The following NFRKB variants were observed in gnomAD, a reference collection of about 807,000 sequenced individuals.
The protein encoded by NFRKB is nuclear factor related to kappa-B-binding protein.
In NFRKB, 62 loss-of-function variants were observed where a neutral mutation model predicts 135.7. That is an observed-to-expected ratio of 0.46 (90% confidence interval 0.37 to 0.56). The LOEUF is 0.56. Among genes scored for constraint, NFRKB ranks in the 20% least tolerant of loss-of-function variants. The pLI is 0.00. For synonymous variants in NFRKB, 678 were observed against 635.6 expected, an observed-to-expected ratio of 1.07 and a Z score of -1.00; for missense variants, 1,545 against 1,662.0, an observed-to-expected ratio of 0.93 and a Z score of 1.22.
Position 129,878,363 on chromosome 11 carries a change from AAAAG to A in NFRKB, c.1465-12_1465-9del, listed in dbSNP as rs768177247. The A allele has an allele frequency of 6.2e-7, 1 of 1,614,224 alleles. No individual in the cohort carries two copies. Among genetic ancestry groups the A allele is most frequent in the South Asian group, 1.1e-5 (1 of 91,088 alleles). On this transcript the variant is annotated splice_polypyrimidine_tract_variant and intron_variant, in intron 14 of 26. Coordinates refer to ENST00000682444, the MANE Select transcript of NFRKB (RefSeq NM_001143835.2). Reference sequence around the variant, plus strand: ...GCTGTCTTCATTTTCTTGCTGGAGAAAAAGAAAACGTTGACAGGTAAATGGACTA... The same window carrying A: ...GCTGTCTTCATTTTCTTGCTGGAGAAAAAACGTTGACAGGTAAATGGACTA...
In NFRKB at chr11:129,892,820, A is replaced by G; in HGVS notation, c.30T>C (p.Asp10=). ...CTCCACACGGACCAAGTTCCAGAGGATCTGTCAGCATATGGTCTAAGGAAT... is the reference window on the plus strand; with the variant it reads ...CTCCACACGGACCAAGTTCCAGAGGGTCTGTCAGCATATGGTCTAAGGAAT... MDSLDHMLT[D]PLELGPCGDG... is the part of the protein sequence containing the mutation. The change falls in exon 3 of 27, where the codon GAT becomes GAC. Residue 10 remains aspartate (D), a synonymous_variant. Coordinates refer to ENST00000682444, the MANE Select transcript of NFRKB (RefSeq NM_001143835.2). 6.2e-7 allele frequency: 1 copy of G among 1,614,184 alleles called. No individual in the cohort carries two copies. Among genetic ancestry groups the G allele is most frequent in the Non-Finnish European group, 8.5e-7 (1 of 1,180,036 alleles).
Position 129,885,467 on chromosome 11 carries a change from C to T in NFRKB, c.608G>A (p.Cys203Tyr). 6.2e-7 allele frequency: 1 copy of T among 1,613,356 alleles called. No individual in the cohort carries two copies. The highest frequency in any genetic ancestry group is 8.5e-7 in the Non-Finnish European group (1 of 1,179,356). The change falls in exon 6 of 27, where the codon TGT (cysteine) becomes TAT (tyrosine). Residue 203 changes from cysteine (C) to tyrosine (Y), a missense_variant. Transcript: ENST00000682444. ...ATCAGATGACAGGGCTGTGTCACCA[C>T]ACTCCTCTTTCACTTCCCTTAAGAC... ...LKVLREVKEECGDTALSSDEE... is the reference protein window; with the variant it reads ...LKVLREVKEEYGDTALSSDEE...
chr11:129,888,794 G>A lies in NFRKB; in HGVS notation c.137C>T (p.Pro46Leu). 1 of 1,608,844 alleles carries A rather than the reference G, an allele frequency of 6.2e-7. No individual in the cohort carries two copies. The highest frequency in any genetic ancestry group is 8.5e-7 in the Non-Finnish European group (1 of 1,176,404). ...GCTGACAACATCAAAGAAGATCTCA[G>A]GCTAGGAGAAATAGGAAAAGTAAAC... is the stretch of plus-strand genomic sequence containing the variant. ...VSLPEDLLEDPEIFFDVVSLS... is the reference protein window; with the variant it reads ...VSLPEDLLEDLEIFFDVVSLS... The change falls in exon 4 of 27, where the codon CCT (proline) becomes CTT (leucine). Residue 46 changes from proline (P) to leucine (L), a missense_variant and splice_region_variant. By Grantham distance (98) the Pro-to-Leu change is moderately conservative (BLOSUM62 -3). This residue lies in a region of NFRKB where 678 missense variants were observed against 646.7 expected (regional missense o/e 1.05). Coordinates refer to ENST00000682444, the MANE Select transcript of NFRKB (RefSeq NM_001143835.2).
At chr11:129,870,478 C>T (rs1948450013) in intron 23 of NFRKB, among the ~76,000 whole-genome samples, 1 of 152,150 alleles carries the variant, frequency 6.6e-6, no homozygotes, top group Non-Finnish European at 1.5e-5. Flanking sequence ...TATCCCTCCC[C>T]ACTGTGGTGG....
intron 2 of NFRKB, among the ~76,000 whole-genome samples, chr11:129,893,723 A>G (rs1432780046): frequency 6.6e-6 from 1 of 152,200 alleles, no homozygotes; most frequent in Non-Finnish European, 1.5e-5. Flanking sequence ...TTTAATTCCT[A>G]CAACTGTGCA....
chr11:129,882,409 C>T (rs753217761), intron 10 of NFRKB, 42 bp downstream of exon 10: 11 of 1,601,666 alleles, frequency 6.9e-6, no homozygotes, highest in Middle Eastern at 3.7e-4. Flanking sequence ...TATGGCTTAC[C>T]CATTCACCCT....
Position 129,864,556 on chromosome 11 carries a change from T to C in NFRKB, c.*169A>G. On this transcript the variant is annotated 3_prime_UTR_variant, in exon 27 of 27. Coordinates refer to ENST00000682444, the MANE Select transcript of NFRKB (RefSeq NM_001143835.2). The stretch of plus-strand genomic sequence containing the variant: ...GAACCTTTCTCAGGGTGCTCCACTA[T>C]GGCACGTGGCAGCAGAATCCAGGCC... 1 of 820,592 alleles carries C rather than the reference T, an allele frequency of 1.2e-6. No homozygotes were observed. The highest frequency in any genetic ancestry group is 1.9e-6 in the Non-Finnish European group (1 of 527,526). 50.8% of individuals were successfully genotyped at this position (820,592 alleles called of 1,614,324 possible).
rs771517911 is a variant in NFRKB at position 129,872,870 on chromosome 11, A to G, written c.2763+14T>C. On this transcript the variant is annotated intron_variant, in intron 23 of 26. Coordinates refer to ENST00000682444, the MANE Select transcript of NFRKB (RefSeq NM_001143835.2). The stretch of plus-strand genomic sequence containing the variant: ...ATGAAGGATTGAGATCCACGTGGAA[A>G]GAGCCCCACCTACCTGCTTGATGAT... 5 of 1,578,794 alleles carry G rather than the reference A, an allele frequency of 3.2e-6. No homozygotes were observed. In the Admixed American group the frequency reaches 8.6e-5, roughly 27 times the overall value.
At position 129,881,727 on chromosome 11, in the gene NFRKB, C is replaced by T; in HGVS notation, c.1318G>A (p.Ala440Thr). 1.2e-6 allele frequency: 2 copies of T among 1,613,974 alleles called. No individual in the cohort carries two copies. Among genetic ancestry groups the T allele is most frequent in the South Asian group, 2.2e-5 (2 of 91,034 alleles). The change falls in exon 12 of 27, where the codon GCT (alanine) becomes ACT (threonine). Residue 440 changes from alanine to threonine, a missense_variant and splice_region_variant. This residue lies in a region of NFRKB where 678 missense variants were observed against 646.7 expected (regional missense o/e 1.05). Transcript: ENST00000682444. The stretch of plus-strand genomic sequence containing the variant: ...GACCCTACAAAAAAGAGCATCTTAC[C>T]TCGACTTTCTCCAGCAAGATACTGC... Reference protein sequence around the residue: ...ALQYLAGESRAVPSSFSPFVE... With the variant: ...ALQYLAGESRTVPSSFSPFVE...
chr11:129,885,296 TCCCGCTATGCAC>T (rs1036786593), intron 6 of NFRKB, 127 bp downstream of exon 6: 1 of 929,834 alleles, frequency 1.1e-6, no homozygotes, highest in Non-Finnish European at 1.6e-6. Context: ...GCCTTCTGAG[TCCCGCTATGCAC>T]CCCAGACCAG....
intron 4 of NFRKB, chr11:129,888,340 T>C (rs1949377377): frequency 1.6e-6 from 1 of 641,468 alleles, no homozygotes; most frequent in Non-Finnish European, 2.8e-6. Flanking sequence ...GTTTTATTTT[T>C]TTATGTAGAT....
intron 3 of NFRKB, 36 bp from the exon 4 acceptor site, chr11:129,888,831 A>G: frequency 1.3e-6 from 2 of 1,575,250 alleles, no homozygotes; most frequent in Non-Finnish European, 1.7e-6. Context: ...AAAGTAAAAT[A>G]AATTTTTGAG....
At chr11:129,870,395 C>T (rs1224098081) in intron 23 of NFRKB, 134 bp from the exon 24 acceptor site, 3 of 1,017,468 alleles carry the variant, frequency 2.9e-6, no homozygotes, top group Non-Finnish European at 4.2e-6. Context: ...CAAACATTCA[C>T]AGAAGTAGAG....
At chr11:129,872,791 C>G (rs1183608850) in intron 23 of NFRKB, 93 bp downstream of exon 23, 21 of 1,272,008 alleles carry the variant, frequency 1.7e-5, no homozygotes, top group Non-Finnish European at 2.1e-5. Flanking sequence ...ATCTTCTTCC[C>G]ATGGGCATGC....
chr11:129,877,211 A>T, intron 16 of NFRKB, 114 bp downstream of exon 16: 1 of 1,073,036 alleles, frequency 9.3e-7, no homozygotes, highest in Non-Finnish European at 1.4e-6. Flanking sequence ...CAGAAGGTCT[A>T]AGGGGAAAGG....
intron 4 of NFRKB, among the ~76,000 whole-genome samples, chr11:129,887,333 GCTT>G (rs1295369134): frequency 6.6e-6 from 1 of 152,162 alleles, no homozygotes; most frequent in African/African-American, 2.4e-5. Context: ...ATCCCACACT[GCTT>G]CTTAATGATA....
chr11:129,892,570 A>T (rs1949608149), intron 3 of NFRKB, 145 bp downstream of exon 3: 1 of 770,532 alleles, frequency 1.3e-6, no homozygotes, highest in African/African-American at 1.7e-5. Context: ...ACTTAAAAAA[A>T]AGATAAGAGA....
At chr11:129,877,124 G>A (rs1357724218) in intron 16 of NFRKB, among the ~76,000 whole-genome samples, 1 of 152,140 alleles carries the variant, frequency 6.6e-6, no homozygotes, top group Non-Finnish European at 1.5e-5. Flanking sequence ...TTTGCTACCT[G>A]GAAGACAAGA....
At position 129,888,624 on chromosome 11, in the gene NFRKB, G is replaced by A; in HGVS notation, c.307C>T (p.Pro103Ser). The A allele has an allele frequency of 4.3e-6, 7 of 1,614,142 alleles. No homozygotes were observed. Among genetic ancestry groups the A allele is most frequent in the Non-Finnish European group, 5.9e-6 (7 of 1,180,028 alleles). ...AAAAGCTTCTGGGCAATGTGCAGAG[G>A]GTTTCCAAAGCGGAAGTTCTCCCCA... is the stretch of plus-strand genomic sequence containing the variant. Reference protein sequence around the residue: ...FSGENFRFGNPLHIAQKLFRD... With the variant: ...FSGENFRFGNSLHIAQKLFRD... The change falls in exon 4 of 27, where the codon CCT becomes TCT. Residue 103 changes from proline to serine, a missense_variant. Physicochemically the swap from Pro to Ser is moderately conservative, Grantham distance 74 (BLOSUM62 -1). This residue lies in a region of NFRKB where 678 missense variants were observed against 646.7 expected (regional missense o/e 1.05). Transcript: ENST00000682444.
Sources: allele counts gnomAD v4.1 joint callset (sites outside exome capture counted in the v4.1 genomes callset), GRCh38; gene constraint gnomAD v4.1.1; regional missense constraint gnomAD v4.1.1; transcripts MANE v1.5; gene names NCBI Gene and HGNC (gene_info 2026-07-23, HGNC 2026-07-21).